Variants in CDK14 observed in about 807,000 individuals in gnomAD.
The protein encoded by CDK14 is cyclin dependent kinase 14, also known as cyclin-dependent kinase 14.
Under a neutral mutation model 60.7 loss-of-function variants are expected in CDK14, and 34 were observed. The ratio of observed to expected loss-of-function variants is 0.56; its 90% CI spans 0.43 to 0.75. The LOEUF is 0.75. Among genes scored for constraint, CDK14 ranks in the 30% least tolerant of loss-of-function variants. The pLI is 0.00. For missense variants in CDK14, 482 were observed against 564.1 expected (o/e 0.85, Z 1.47); for synonymous variants, 197 against 203.7 (o/e 0.97, Z 0.28).
At chr7:90,892,066 C>T (rs907485736) in intron 6 of CDK14, among the ~76,000 whole-genome samples, 3 of 152,100 alleles carry the variant, frequency 2.0e-5, no homozygotes, top group Non-Finnish European at 4.4e-5. Context: ...TTGTTTCTGC[C>T]CTGGAAATGG....
intron 14 of CDK14, among the ~76,000 whole-genome samples, chr7:91,126,124 A>G (rs1480646120): frequency 6.6e-6 from 1 of 152,194 alleles, no homozygotes; most frequent in African/African-American, 2.4e-5. Context: ...TACATTGCCA[A>G]ATTAACCATC....
intron 2 of CDK14, among the ~76,000 whole-genome samples, chr7:90,705,573 A>G (rs1025034406): frequency 1.3e-5 from 2 of 151,104 alleles, no homozygotes; most frequent in Non-Finnish European, 2.9e-5. Context: ...TTTTCCACTC[A>G]GGAGAAAGTT....
intron 8 of CDK14, 73 bp downstream of exon 8, chr7:90,917,797 T>C: frequency 1.4e-6 from 2 of 1,461,542 alleles, no homozygotes. Flanking sequence ...GCACTGCATT[T>C]GTTTAGGTGC....
intron 14 of CDK14, among the ~76,000 whole-genome samples, chr7:91,141,987 G>A (rs369138468): frequency 2.6e-5 from 4 of 152,020 alleles, no homozygotes; most frequent in South Asian, 2.1e-4. Context: ...CGTCACGCCC[G>A]GCTAAATTTT....
chr7:90,865,719 C>G (rs1791155458), intron 6 of CDK14, among the ~76,000 whole-genome samples: 1 of 152,116 alleles, frequency 6.6e-6, no homozygotes, highest in Non-Finnish European at 1.5e-5. Flanking sequence ...TAAAACCCAA[C>G]AGCTGAAATT....
chr7:90,711,873 T>C (rs1457437929), intron 2 of CDK14, among the ~76,000 whole-genome samples: 1 of 138,078 alleles, frequency 7.2e-6, no homozygotes, highest in Non-Finnish European at 1.5e-5. Context: ...ATGGAACTTA[T>C]AGTCTACTAT....
intron 5 of CDK14, among the ~76,000 whole-genome samples, chr7:90,795,456 A>G (rs919655711): frequency 4.0e-5 from 6 of 150,432 alleles, no homozygotes; most frequent in African/African-American, 1.5e-4. Context: ...TTACATATAG[A>G]TATAAATTAA....
chr7:90,994,502 G>A (rs1302735239), intron 10 of CDK14, among the ~76,000 whole-genome samples: 3 of 152,208 alleles, frequency 2.0e-5, no homozygotes, highest in Non-Finnish European at 2.9e-5. Flanking sequence ...AGAATGTCAA[G>A]AACGCTGGGA....
intron 5 of CDK14, among the ~76,000 whole-genome samples, chr7:90,812,372 A>C (rs1325855506): frequency 6.6e-6 from 1 of 152,204 alleles, no homozygotes; most frequent in African/African-American, 2.4e-5. Context: ...CAAGGACAAA[A>C]AACCAAACAC....
intron 2 of CDK14, among the ~76,000 whole-genome samples, chr7:90,651,238 T>C (rs1474230862): frequency 6.6e-6 from 1 of 152,198 alleles, no homozygotes; most frequent in African/African-American, 2.4e-5. Context: ...GGGAGTTCAC[T>C]CATGATTTGT....
At chr7:90,780,209 A>G (rs992750810) in intron 4 of CDK14, among the ~76,000 whole-genome samples, 1 of 152,162 alleles carries the variant, frequency 6.6e-6, no homozygotes, top group Non-Finnish European at 1.5e-5. Context: ...CAGTGCATCT[A>G]TAGAGAAACT....
At chr7:91,201,073 C>A (rs955564647) in intron 14 of CDK14, among the ~76,000 whole-genome samples, 2 of 151,986 alleles carry the variant, frequency 1.3e-5, no homozygotes, top group Non-Finnish European at 2.9e-5. Context: ...TAATTGCGTG[C>A]CTATCTTTAA....
chr7:90,899,175 C>T (rs1792425760), intron 6 of CDK14, 116 bp from the exon 7 acceptor site: 2 of 723,902 alleles, frequency 2.8e-6, no homozygotes, highest in Non-Finnish European at 2.1e-6. Context: ...AAAATCCACC[C>T]ACTTGTCTTT....
chr7:91,201,968 T>C (rs946586157), intron 14 of CDK14, among the ~76,000 whole-genome samples: 2 of 152,158 alleles, frequency 1.3e-5, no homozygotes, highest in African/African-American at 4.8e-5. Flanking sequence ...TCTCTCTAAT[T>C]AGTCTCTTGA....
At chr7:90,618,363 G>A (rs1286429612) in intron 2 of CDK14, among the ~76,000 whole-genome samples, 3 of 152,012 alleles carry the variant, frequency 2.0e-5, no homozygotes, top group Non-Finnish European at 4.4e-5. Flanking sequence ...AACATAAAAT[G>A]CTTCCAATTC....
rs766262504 is a variant in CDK14, at chr7:90,912,386, G to A, written c.703-5215G>A. Among the ~76,000 whole-genome samples, 83 of 152,150 alleles carry A rather than the reference G, an allele frequency of 5.5e-4. 1 individual carries two copies. The highest frequency in any genetic ancestry group is 1.2e-4 in the Non-Finnish European group (8 of 68,032). On this transcript the variant is annotated intron_variant, in intron 7 of 14. Transcript: ENST00000380050. ...TTCACTTAATAAAAGCACTTTGATT[G>A]TATTGGGTGTATAACTACTCATCCA... is the stretch of plus-strand genomic sequence containing the variant.
chr7:90,911,633 T>C (rs10277783), intron 7 of CDK14, among the ~76,000 whole-genome samples: 149,963 of 152,218 alleles, frequency 0.99, 73,908 homozygotes, highest in East Asian at 1. Flanking sequence ...TGACCATTCA[T>C]GGAGCAGGAC....
intron 2 of CDK14, among the ~76,000 whole-genome samples, chr7:90,620,903 G>T (rs1158498619): frequency 2.0e-5 from 3 of 152,178 alleles, no homozygotes; most frequent in African/African-American, 7.2e-5. Context: ...TCCTTTTGTT[G>T]CCCCACTTCT....
At chr7:90,953,947 T>C (rs1794332795) in intron 8 of CDK14, among the ~76,000 whole-genome samples, 1 of 152,170 alleles carries the variant, frequency 6.6e-6, no homozygotes, top group Admixed American at 6.6e-5. Flanking sequence ...TAATGTAGGA[T>C]AAAACCTTGC....
Sources: allele counts gnomAD v4.1 joint callset (sites outside exome capture counted in the v4.1 genomes callset), GRCh38; gene constraint gnomAD v4.1.1; transcripts MANE v1.5; gene names NCBI Gene and HGNC (gene_info 2026-07-23, HGNC 2026-07-21).